The following AR variants were observed in gnomAD, a reference collection of about 807,000 sequenced individuals.
The protein encoded by AR is androgen receptor.
A neutral mutation model predicts 53.9 loss-of-function variants in AR; 8 were observed. The observed-to-expected ratio is 0.15, with a 90% confidence interval of 0.09 to 0.27. The LOEUF is 0.27. AR is among the 10% of genes least tolerant of loss of function. AR has a pLI of 1.00. For missense variants in AR, 639 were observed against 742.5 expected, an observed-to-expected ratio of 0.86 and a Z score of 1.62; for synonymous variants, 359 against 316.4, an observed-to-expected ratio of 1.13 and a Z score of -1.43.
intron 2 of AR, among the ~76,000 whole-genome samples, chrX:67,672,624 A>G (rs2075872702): frequency 9.0e-6 from 1 of 110,953 alleles, no homozygotes; most frequent in Admixed American, 9.6e-5. Context: ...GAAAGAGAAA[A>G]CTAATAAAAA....
Position 67,545,313 on chromosome X carries a change from T to TGCAGCAGCAGCA in AR, c.169_170insAGCAGCAGCAGC (p.Leu56_Leu57insGlnGlnGlnGln), listed in dbSNP as rs755686403. 5.6e-5 allele frequency: 62 copies of TGCAGCAGCAGCA among 1,099,048 alleles called. No homozygotes were observed. The highest frequency in any genetic ancestry group is 2.0e-4 in the Admixed American group (7 of 34,836). The allele number at this position is 1,099,048 out of a possible 1,213,427, so 90.6% of individuals were successfully genotyped here. A position where few individuals can be genotyped will look rare whatever the true frequency, so the allele number is the denominator to read the frequency against. Reference sequence around the variant, plus strand: ...GCACCTCCCGGCGCCAGTTTGCTGCTGCTGCAGCAGCAGCAGCAGCAGCAG... The same window carrying TGCAGCAGCAGCA: ...GCACCTCCCGGCGCCAGTTTGCTGCTGCAGCAGCAGCAGCTGCAGCAGCAGCAGCAGCAGCAG... On this transcript the variant is annotated inframe_insertion, in exon 1 of 8. Coordinates refer to ENST00000374690, the MANE Select transcript of AR (RefSeq NM_000044.6).
At chrX:67,623,967 G>C (rs987152136) in intron 1 of AR, among the ~76,000 whole-genome samples, 2 of 111,084 alleles carry the variant, frequency 1.8e-5, no homozygotes, top group African/African-American at 6.5e-5. Context: ...AGCAGGCATG[G>C]ATCATGAGGC....
chrX:67,721,747 G>A (rs2147535182), intron 5 of AR, 86 bp from the exon 6 acceptor site: 2 of 1,153,131 alleles, frequency 1.7e-6, no homozygotes, highest in Non-Finnish European at 2.4e-6. Context: ...GGAAAACCTG[G>A]CGAGGGATGG....
chrX:67,695,735 C>G (rs12836735), intron 3 of AR: 2 of 715,156 alleles, frequency 2.8e-6, no homozygotes, highest in Non-Finnish European at 1.6e-6. Context: ...TCCAGTCTGT[C>G]TAAACACACA....
intron 1 of AR, among the ~76,000 whole-genome samples, chrX:67,589,452 C>G (rs1922725213): frequency 8.9e-6 from 1 of 111,840 alleles, no homozygotes; most frequent in Non-Finnish European, 1.9e-5. Flanking sequence ...ACTTTCCTCT[C>G]CCAGGCCTTC....
At chrX:67,668,734 A>G in intron 2 of AR, among the ~76,000 whole-genome samples, 1 of 111,113 alleles carries the variant, frequency 9.0e-6, no homozygotes, top group South Asian at 3.8e-4. Context: ...CAATCTTATT[A>G]CTTGTTATTG....
intron 1 of AR, among the ~76,000 whole-genome samples, chrX:67,616,930 T>G (rs1293350680): frequency 9.0e-6 from 1 of 111,356 alleles, no homozygotes; most frequent in Non-Finnish European, 1.9e-5. Flanking sequence ...AGCCTAAGTC[T>G]CATCCTCCTA....
intron 1 of AR, among the ~76,000 whole-genome samples, chrX:67,550,572 ATAAGCAGGGAGCAGAATGCGGACT>A: frequency 9.1e-6 from 1 of 109,811 alleles, no homozygotes; most frequent in South Asian, 4.0e-4. Flanking sequence ...GGAACCTTGC[ATAAGCAGGGAGCAGAATGCGGACT>A]GGGTGTGGCA....
chrX:67,675,407 GTTTA>G (rs1318942516), intron 2 of AR, among the ~76,000 whole-genome samples: 1 of 111,405 alleles, frequency 9.0e-6, no homozygotes, highest in Non-Finnish European at 1.9e-5. Context: ...TGCCTTTCAA[GTTTA>G]TTTGAGATCC....
chrX:67,597,956 G>T (rs1923158897), intron 1 of AR, among the ~76,000 whole-genome samples: 1 of 111,729 alleles, frequency 9.0e-6, no homozygotes, highest in Admixed American at 9.5e-5. Context: ...CACAACACTT[G>T]GACAAGATTT....
intron 2 of AR, among the ~76,000 whole-genome samples, chrX:67,659,723 G>A (rs1271067055): frequency 9.0e-6 from 1 of 111,542 alleles, no homozygotes; most frequent in Non-Finnish European, 1.9e-5. Flanking sequence ...AATCCTTAGG[G>A]TATATACCCA....
At chrX:67,565,480 G>T (rs914431124) in intron 1 of AR, among the ~76,000 whole-genome samples, 4 of 111,879 alleles carry the variant, frequency 3.6e-5, no homozygotes, top group African/African-American at 1.3e-4. Flanking sequence ...GAATGAGCAT[G>T]TTTGAGACTA....
chrX:67,545,972 C>T lies in AR; in HGVS notation c.826C>T (p.Pro276Ser), dbSNP rs767367214. ...CATGTACGCCCCACTTTTGGGAGTT[C>T]CACCCGCTGTGCGTCCCACTCCTTG... ...DCMYAPLLGV[P>S]PAVRPTPCAP... The change falls in exon 1 of 8, where the codon CCA becomes TCA. Residue 276 changes from proline to serine, a missense_variant. Around this residue, in one of 5 missense-constraint regions of AR, gnomAD observed 423 missense variants for 377.0 expected, o/e 1.12. Coordinates refer to ENST00000374690, the MANE Select transcript of AR (RefSeq NM_000044.6). 8.2e-7 allele frequency: 1 copy of T among 1,212,264 alleles called. No homozygotes were observed. The highest frequency in any genetic ancestry group is 1.1e-6 in the Non-Finnish European group (1 of 895,617).
At chrX:67,635,084 C>T (rs767682644) in intron 1 of AR, among the ~76,000 whole-genome samples, 18 of 107,357 alleles carry the variant, frequency 1.7e-4, no homozygotes, top group Admixed American at 1.6e-3. Flanking sequence ...TCTCTAAAAG[C>T]TCTGCATAGC....
At chrX:67,719,228 C>T (rs936743140) in intron 5 of AR, among the ~76,000 whole-genome samples, 5 of 111,384 alleles carry the variant, frequency 4.5e-5, no homozygotes, top group Non-Finnish European at 9.4e-5. Flanking sequence ...TTCAGATCTC[C>T]GCAAAGTTGC....
chrX:67,627,727 A>G (rs1924769598), intron 1 of AR, among the ~76,000 whole-genome samples: 1 of 111,665 alleles, frequency 9.0e-6, no homozygotes, highest in Non-Finnish European at 1.9e-5. Flanking sequence ...TATGTCCTGA[A>G]TGGTAATGCC....
At chrX:67,681,077 A>C in intron 2 of AR, 1 of 160,956 alleles carries the variant, frequency 6.2e-6, no homozygotes, top group Non-Finnish European at 1.2e-5. Flanking sequence ...TTGCAGCTCT[A>C]GAGTGTGGCC....
Position 67,544,923 on chromosome X carries a change from A to G in AR, c.-224A>G, listed in dbSNP as rs924753251. 2.5e-5 allele frequency: 10 copies of G among 401,235 alleles called. No homozygotes were observed. In the Admixed American group the frequency reaches 4.0e-4, roughly 16 times the overall value. 33.1% of individuals were successfully genotyped at this position (401,235 alleles called of 1,213,427 possible). On this transcript the variant is annotated 5_prime_UTR_variant, in exon 1 of 8. Coordinates refer to ENST00000374690, the MANE Select transcript of AR (RefSeq NM_000044.6). ...TTAAGAGACAGACTGTGAGCCTAGC[A>G]GGGCAGATCTTGTCCACCGTGTGTC...
rs182807294 is a variant in AR, at chrX:67,603,087, T to C, written c.1617-40169T>C. ...TCCCAGGCCTATACAAATCCTTTGA[T>C]ACACAAATGAATAGTAAAGGAACAT... On this transcript the variant is annotated intron_variant, in intron 1 of 7. Coordinates refer to ENST00000374690, the MANE Select transcript of AR (RefSeq NM_000044.6). 2.7e-5 allele frequency among the ~76,000 whole-genome samples: 3 copies of C among 111,817 alleles called. No individual in the cohort carries two copies. In the Admixed American group the frequency reaches 2.9e-4, roughly 11 times the overall value.
Sources: gnomAD v4.1 joint callset for allele counts (sites outside exome capture counted in the v4.1 genomes callset) on GRCh38, gnomAD v4.1.1 for gene constraint, gnomAD v4.1.1 regional missense constraint, MANE v1.5 for transcripts, NCBI Gene and HGNC (gene_info 2026-07-23, HGNC 2026-07-21) for gene names.